The following ELF2 variants were observed in gnomAD, a reference collection of about 807,000 sequenced individuals.
ELF2 encodes the protein ETS-related transcription factor Elf-2.
Under a neutral mutation model 54.8 loss-of-function variants are expected in ELF2, and 11 were observed. The ratio of observed to expected loss-of-function variants is 0.20; its 90% confidence interval spans 0.13 to 0.33. ELF2 has a LOEUF of 0.33. Ranked by LOEUF, ELF2 falls within the 10% of genes least tolerant of loss-of-function variation. ELF2 has a pLI of 1.00. For missense variants in ELF2, 513 were observed against 703.0 expected, an observed-to-expected ratio of 0.73 and a Z score of 3.06; for synonymous variants, 203 against 245.1, an observed-to-expected ratio of 0.83 and a Z score of 1.61.
At chr4:139,157,184 A>G (rs1292046936) in intron 1 of ELF2, among the ~76,000 whole-genome samples, 1 of 152,200 alleles carries the variant, frequency 6.6e-6, no homozygotes, top group Non-Finnish European at 1.5e-5. Flanking sequence ...ACTATACTGA[A>G]TACTATAGAC....
rs114157613 is a variant in ELF2 at position 139,159,139 on chromosome 4, T to A, written c.-252+17828A>T. ...TATCCATCCAGTGAAAGTGTCCACCTAGACCAAGAGGCATGTGAGTAAAGT... is the reference window on the plus strand; with the variant it reads ...TATCCATCCAGTGAAAGTGTCCACCAAGACCAAGAGGCATGTGAGTAAAGT... On this transcript the variant is annotated intron_variant, in intron 1 of 9. Coordinates refer to ENST00000686138, the MANE Select transcript of ELF2 (RefSeq NM_001331036.3). 9.5e-3 allele frequency among the ~76,000 whole-genome samples: 1,444 copies of A among 152,240 alleles called. 22 individuals are homozygous for A. The highest frequency in any genetic ancestry group is 0.033 in the African/African-American group (1,386 of 41,538).
At position 139,173,197 on chromosome 4, in the gene ELF2, T is replaced by G. The variant is rs78214395; in HGVS notation, c.-252+3770A>C. Reference sequence around the variant, plus strand: ...GAAATGTTCGAAAACTAGCTCAAGGTGATAGATAGTTTCACGATCTATATA... The same window carrying G: ...GAAATGTTCGAAAACTAGCTCAAGGGGATAGATAGTTTCACGATCTATATA... On this transcript the variant is annotated intron_variant, in intron 1 of 9. Transcript: ENST00000686138. 1.6e-3 allele frequency among the ~76,000 whole-genome samples: 243 copies of G among 152,178 alleles called. 4 individuals carry two copies. The East Asian group carries it at 0.046, about 29-fold the overall frequency.
intron 4 of ELF2, among the ~76,000 whole-genome samples, chr4:139,108,092 A>G (rs1168356087): frequency 6.6e-6 from 1 of 152,234 alleles, no homozygotes; most frequent in Non-Finnish European, 1.5e-5. Context: ...ATGACAATCA[A>G]TTTGTCGATG....
intron 4 of ELF2, among the ~76,000 whole-genome samples, chr4:139,093,896 C>CTTT (rs33953924): frequency 8.4e-5 from 7 of 83,510 alleles, no homozygotes; most frequent in African/African-American, 2.0e-4. Flanking sequence ...TGACTAACAT[C>CTTT]TTTTTTTTTT....
intron 1 of ELF2, among the ~76,000 whole-genome samples, chr4:139,154,357 C>A (rs1740320129): frequency 6.6e-6 from 1 of 152,052 alleles, no homozygotes; most frequent in Non-Finnish European, 1.5e-5. Context: ...TCTTTTCATT[C>A]TTTACATAAA....
intron 1 of ELF2, among the ~76,000 whole-genome samples, chr4:139,148,832 T>C (rs1739544037): frequency 6.6e-6 from 1 of 152,200 alleles, no homozygotes; most frequent in African/African-American, 2.4e-5. Flanking sequence ...GGCTACACCA[T>C]TTCACATTCC....
intron 4 of ELF2, chr4:139,116,655 T>C: frequency 1.0e-6 from 1 of 985,292 alleles, no homozygotes; most frequent in Non-Finnish European, 1.2e-6. Context: ...CTACCAGCAT[T>C]GTCTTCCTTC....
chr4:139,106,822 C>A lies in ELF2; in HGVS notation c.238+18342G>T, dbSNP rs147392096. Among the ~76,000 whole-genome samples, 451 of 148,016 alleles carry A rather than the reference C, an allele frequency of 3.0e-3. 1 individual carries two copies. The highest frequency in any genetic ancestry group is 0.011 in the African/African-American group (435 of 40,068). On this transcript the variant is annotated intron_variant, in intron 4 of 9. Transcript: ENST00000686138. ...GCAATGGCTTGATCTCGGCTCACTG[C>A]AACCTCCGCCTGCCAGGTACAAGTG... is the stretch of plus-strand genomic sequence containing the variant.
chr4:139,119,679 C>A (rs1367806767), intron 4 of ELF2, among the ~76,000 whole-genome samples: 1 of 152,212 alleles, frequency 6.6e-6, no homozygotes, highest in Non-Finnish European at 1.5e-5. Context: ...ATGTTTGTAA[C>A]TAGCCCTTTA....
chr4:139,164,760 T>C (rs1249518918), intron 1 of ELF2, among the ~76,000 whole-genome samples: 1 of 152,208 alleles, frequency 6.6e-6, no homozygotes, highest in Non-Finnish European at 1.5e-5. Flanking sequence ...ATCTGTTTCT[T>C]TAAGTTTTTA....
chr4:139,145,806 G>C (rs141173934), intron 1 of ELF2, among the ~76,000 whole-genome samples: 24 of 152,202 alleles, frequency 1.6e-4, no homozygotes, highest in Admixed American at 4.6e-4. Flanking sequence ...TGTTTCAATA[G>C]ATGCAGAAAA....
rs140865751 is a variant in ELF2 at position 139,058,873 on chromosome 4, G to A, written c.*110C>T. The A allele has an allele frequency of 1.2e-4, 165 of 1,405,718 alleles. No homozygotes were observed. The African/African-American group carries it at 2.3e-3, about 19-fold the overall frequency. The allele number at this position is 1,405,718 out of a possible 1,614,324, so 87.1% of individuals were successfully genotyped here. The stretch of plus-strand genomic sequence containing the variant: ...AGTAAGTCTGATTGTTTTTGTATAT[G>A]CATTAAAAATGTTTTAAAGTCTTCT... On this transcript the variant is annotated 3_prime_UTR_variant, in exon 10 of 10. Coordinates refer to ENST00000686138, the MANE Select transcript of ELF2 (RefSeq NM_001331036.3).
intron 4 of ELF2, among the ~76,000 whole-genome samples, chr4:139,074,467 T>C (rs746024387): frequency 1.1e-4 from 16 of 151,900 alleles, no homozygotes; most frequent in African/African-American, 2.2e-4. Context: ...CAACCTCAGA[T>C]TGAAAATATT....
At chr4:139,161,700 G>A (rs1741172495) in intron 1 of ELF2, among the ~76,000 whole-genome samples, 2 of 150,880 alleles carry the variant, frequency 1.3e-5, no homozygotes, top group South Asian at 2.1e-4. Flanking sequence ...GCCGGGCGCG[G>A]TGGCTCAGGC....
At chr4:139,098,144 C>T (rs140168285) in intron 4 of ELF2, among the ~76,000 whole-genome samples, 3 of 152,162 alleles carry the variant, frequency 2.0e-5, no homozygotes, top group African/African-American at 4.8e-5. Context: ...CTCCAATTTA[C>T]GAAGTTTGTT....
intron 1 of ELF2, among the ~76,000 whole-genome samples, chr4:139,173,011 A>C (rs1340010234): frequency 6.6e-6 from 1 of 152,016 alleles, no homozygotes; most frequent in Non-Finnish European, 1.5e-5. Context: ...GCTAAGTGAA[A>C]GAAGCCAGAT....
intron 4 of ELF2, among the ~76,000 whole-genome samples, chr4:139,083,133 C>G (rs1010552140): frequency 2.0e-5 from 3 of 151,998 alleles, no homozygotes; most frequent in African/African-American, 7.3e-5. Context: ...GCCTGTCAAT[C>G]CCGTCCGTTC....
chr4:139,151,014 GCTCCATCT>G lies in ELF2; in HGVS notation c.-251-11525_-251-11518del, dbSNP rs1391695960. Among the ~76,000 whole-genome samples, 88 of 105,316 alleles carry G rather than the reference GCTCCATCT, an allele frequency of 8.4e-4. 2 individuals are homozygous for G. Among genetic ancestry groups the G allele is most frequent in the African/African-American group, 3.6e-3 (79 of 22,150 alleles). 69.1% of individuals were successfully genotyped at this position (105,316 alleles called of 152,430 possible). A position where few individuals can be genotyped will look rare whatever the true frequency, so the allele number is the denominator to read the frequency against. On this transcript the variant is annotated intron_variant, in intron 1 of 9. Transcript: ENST00000686138. ...ACTCCAGCTTAGGTGACGGAACGAG[GCTCCATCT>G]CAAAAAAAAAAAAGAAAGAAAGAAA...
At chr4:139,172,265 C>T (rs1255044625) in intron 1 of ELF2, among the ~76,000 whole-genome samples, 1 of 152,214 alleles carries the variant, frequency 6.6e-6, no homozygotes, top group Non-Finnish European at 1.5e-5. Context: ...TCTCCCCTTA[C>T]CTACAGCTTT....
Sources: allele counts gnomAD v4.1 joint callset (sites outside exome capture counted in the v4.1 genomes callset), GRCh38; gene constraint gnomAD v4.1.1; transcripts MANE v1.5; gene names NCBI Gene and HGNC (gene_info 2026-07-23, HGNC 2026-07-21).